The following RSRC1 variants were observed in gnomAD, a reference collection of about 807,000 sequenced individuals.
The protein encoded by RSRC1 is serine/Arginine-related protein 53.
A neutral mutation model predicts 49.1 loss-of-function variants in RSRC1; 39 were observed. The observed-to-expected ratio is 0.79, with a 90% CI of 0.61 to 1.04. The LOEUF is 1.04. RSRC1 is among the 50% of genes least tolerant of loss of function. RSRC1 has a pLI of 0.00. For missense variants in RSRC1, 388 were observed against 402.4 expected (o/e 0.96, Z 0.31); for synonymous variants, 143 against 130.8 (o/e 1.09, Z -0.63).
At chr3:158,186,782 T>C (rs561390434) in intron 3 of RSRC1, among the ~76,000 whole-genome samples, 30 of 152,064 alleles carry the variant, frequency 2.0e-4, no homozygotes, top group African/African-American at 7.0e-4. Context: ...CATTTCTCTT[T>C]TGCTTTTTTT....
intron 6 of RSRC1, among the ~76,000 whole-genome samples, chr3:158,451,429 CATAGTT>C (rs1157398829): frequency 1.3e-5 from 2 of 151,964 alleles, no homozygotes; most frequent in African/African-American, 4.8e-5. Flanking sequence ...ATGAATTTGA[CATAGTT>C]ATAACTAGTG....
intron 4 of RSRC1, among the ~76,000 whole-genome samples, chr3:158,254,850 G>T (rs1459088243): frequency 6.6e-6 from 1 of 152,054 alleles, no homozygotes; most frequent in Admixed American, 6.6e-5. Flanking sequence ...GTGTCTGTTG[G>T]CTGCATAAAT....
intron 6 of RSRC1, among the ~76,000 whole-genome samples, chr3:158,396,235 G>T (rs981775669): frequency 6.6e-6 from 1 of 151,950 alleles, no homozygotes; most frequent in Admixed American, 6.6e-5. Flanking sequence ...TACCTATCAG[G>T]TACTATGCTT....
intron 7 of RSRC1, among the ~76,000 whole-genome samples, chr3:158,471,732 A>C (rs1738141504): frequency 1.3e-5 from 2 of 152,164 alleles, no homozygotes; most frequent in Non-Finnish European, 2.9e-5. Context: ...TAAGCTATAA[A>C]CGACTTCTGC....
chr3:158,338,148 A>T (rs150442040), intron 5 of RSRC1, among the ~76,000 whole-genome samples: 1 of 152,080 alleles, frequency 6.6e-6, no homozygotes, highest in African/African-American at 2.4e-5. Context: ...CATCTATGAA[A>T]TATGTATATA....
intron 6 of RSRC1, among the ~76,000 whole-genome samples, chr3:158,429,439 G>A (rs1163222081): frequency 3.5e-5 from 4 of 115,824 alleles, no homozygotes; most frequent in Non-Finnish European, 7.4e-5. Context: ...GTGTATACAT[G>A]TCTTGTATTT....
chr3:158,468,026 T>C (rs1007133056), intron 7 of RSRC1, among the ~76,000 whole-genome samples: 6 of 152,188 alleles, frequency 3.9e-5, no homozygotes, highest in African/African-American at 9.6e-5. Flanking sequence ...CTCTGCCTCC[T>C]GGGTTCATGC....
At chr3:158,536,707 TTAGA>T (rs1712733699) in intron 7 of RSRC1, among the ~76,000 whole-genome samples, 1 of 151,528 alleles carries the variant, frequency 6.6e-6, no homozygotes, top group South Asian at 2.1e-4. Context: ...TGAGGTGGAT[TTAGA>T]TAGATAGATT....
At chr3:158,395,495 C>T (rs1733562490) in intron 6 of RSRC1, among the ~76,000 whole-genome samples, 1 of 151,716 alleles carries the variant, frequency 6.6e-6, no homozygotes, top group Non-Finnish European at 1.5e-5. Context: ...CAAAAAACAA[C>T]CCTATAAAAA....
chr3:158,175,687 A>T (rs1210359760), intron 3 of RSRC1, among the ~76,000 whole-genome samples: 3 of 152,148 alleles, frequency 2.0e-5, no homozygotes, highest in Admixed American at 2.0e-4. Context: ...TGCTTAAATT[A>T]AGTCTCATAT....
intron 6 of RSRC1, among the ~76,000 whole-genome samples, chr3:158,377,651 G>A (rs1380481101): frequency 6.6e-6 from 1 of 151,272 alleles, no homozygotes; most frequent in African/African-American, 2.4e-5. Flanking sequence ...CCCAGTCTCC[G>A]ATATTCCTTT....
chr3:158,135,575 C>A (rs1017780122), intron 3 of RSRC1, among the ~76,000 whole-genome samples: 1 of 151,962 alleles, frequency 6.6e-6, no homozygotes, highest in Non-Finnish European at 1.5e-5. Flanking sequence ...CCACTGCGCC[C>A]GGCCTATAGT....
chr3:158,474,874 A>T (rs1738297917), intron 7 of RSRC1, among the ~76,000 whole-genome samples: 1 of 152,094 alleles, frequency 6.6e-6, no homozygotes, highest in South Asian at 2.1e-4. Context: ...CTAGTACCTT[A>T]TGCTGTCCTT....
At chr3:158,519,123 G>T (rs528352386) in intron 7 of RSRC1, among the ~76,000 whole-genome samples, 16 of 151,982 alleles carry the variant, frequency 1.1e-4, no homozygotes, top group African/African-American at 3.9e-4. Flanking sequence ...TCATTTATCT[G>T]GTTGCTTGAT....
intron 4 of RSRC1, among the ~76,000 whole-genome samples, chr3:158,209,569 G>C (rs16828759): frequency 0.076 from 11,587 of 152,118 alleles, 535 homozygotes; most frequent in East Asian, 0.11. Flanking sequence ...GTATTTCTAA[G>C]TGTGCCTTTC....
At chr3:158,464,549 A>T (rs1298950519) in intron 7 of RSRC1, among the ~76,000 whole-genome samples, 1 of 152,242 alleles carries the variant, frequency 6.6e-6, no homozygotes, top group African/African-American at 2.4e-5. Context: ...CAGTTTAAGT[A>T]AAGACAGAGC....
intron 7 of RSRC1, among the ~76,000 whole-genome samples, chr3:158,474,928 G>A (rs1217207498): frequency 6.6e-6 from 1 of 151,984 alleles, no homozygotes; most frequent in Non-Finnish European, 1.5e-5. Context: ...GGAGACGGGG[G>A]TGGTTGAGAT....
intron 8 of RSRC1, among the ~76,000 whole-genome samples, chr3:158,541,752 T>A (rs1054873115): frequency 2.0e-5 from 3 of 152,184 alleles, no homozygotes; most frequent in African/African-American, 4.8e-5. Flanking sequence ...TGTTTTTTTT[T>A]AATTTTACTT....
rs554255088 is a variant in RSRC1, at chr3:158,504,146, T to C, written c.653-32946T>C. Among the ~76,000 whole-genome samples the C allele has an allele frequency of 3.9e-5, 6 of 152,290 alleles. No homozygotes were observed. The East Asian group carries it at 1.2e-3, about 29-fold the overall frequency. On this transcript the variant is annotated intron_variant, in intron 7 of 9. Transcript: ENST00000611884. Reference sequence around the variant, plus strand: ...TTCTCCCACAAACAGACCTTCAGTTTCTCCAGTGGGGGTGTGTGTTCGGGA... The same window carrying C: ...TTCTCCCACAAACAGACCTTCAGTTCCTCCAGTGGGGGTGTGTGTTCGGGA...
Sources: gnomAD v4.1 joint callset for allele counts (sites outside exome capture counted in the v4.1 genomes callset) on GRCh38, gnomAD v4.1.1 for gene constraint, MANE v1.5 for transcripts, NCBI Gene and HGNC (gene_info 2026-07-23, HGNC 2026-07-21) for gene names.